The following MCF2 variants were observed in gnomAD, a reference collection of about 807,000 sequenced individuals.
The protein encoded by MCF2 is MCF.2 cell line derived transforming sequence, also known as proto-oncogene DBL.
Under a neutral mutation model 82.5 loss-of-function variants are expected in MCF2, and 44 were observed. The observed-to-expected ratio is 0.53, with a 90% CI of 0.42 to 0.69. The LOEUF (loss-of-function observed/expected upper bound fraction) is 0.69, where lower values mean the gene tolerates loss of function less well. Among genes scored for constraint, MCF2 ranks in the 30% least tolerant of loss-of-function variants. The pLI is 0.00. For missense variants in MCF2, 623 were observed against 663.1 expected (o/e 0.94, Z 0.66); for synonymous variants, 217 against 224.9 (o/e 0.96, Z 0.32).
At chrX:139,652,076 A>G (rs2148528163) in intron 1 of MCF2, among the ~76,000 whole-genome samples, 1 of 112,153 alleles carries the variant, frequency 8.9e-6, no homozygotes, top group South Asian at 3.8e-4. Context: ...AAACTCCAGG[A>G]CATTCGGATT....
intron 6 of MCF2, among the ~76,000 whole-genome samples, chrX:139,622,645 A>G (rs1193987148): frequency 9.6e-6 from 1 of 103,935 alleles, no homozygotes; most frequent in African/African-American, 3.5e-5. Flanking sequence ...AAAACCAAAC[A>G]CCGCATGTTC....
At chrX:139,668,825 C>A (rs1934600324) in intron 1 of MCF2, among the ~76,000 whole-genome samples, 1 of 110,686 alleles carries the variant, frequency 9.0e-6, no homozygotes, top group African/African-American at 3.3e-5. Context: ...AAAGTATTCT[C>A]AAGAAACAGT....
chrX:139,585,653 C>G (rs897153375), intron 23 of MCF2, among the ~76,000 whole-genome samples: 2 of 111,693 alleles, frequency 1.8e-5, no homozygotes, highest in African/African-American at 6.5e-5. Flanking sequence ...TTTAGGTGAT[C>G]CTCATGTATG....
intron 1 of MCF2, among the ~76,000 whole-genome samples, chrX:139,689,934 A>C (rs188093389): frequency 8.9e-6 from 1 of 112,349 alleles, no homozygotes; most frequent in East Asian, 2.8e-4. Flanking sequence ...GATTGTTCAG[A>C]AAGTTATTTA....
At chrX:139,692,546 AAGAG>A (rs1350289860) in intron 1 of MCF2, among the ~76,000 whole-genome samples, 1 of 111,886 alleles carries the variant, frequency 8.9e-6, no homozygotes, top group Non-Finnish European at 1.9e-5. Context: ...AAGGAGCTAA[AAGAG>A]AGAATTTCTG....
chrX:139,610,186 A>T, intron 11 of MCF2, 115 bp downstream of exon 15: 1 of 486,913 alleles, frequency 2.1e-6, no homozygotes, highest in Admixed American at 4.8e-5. Flanking sequence ...TTTCTTTTAA[A>T]TAGTCTTTCA....
intron 11 of MCF2, among the ~76,000 whole-genome samples, chrX:139,609,726 T>C (rs1931355082): frequency 9.0e-6 from 1 of 110,843 alleles, no homozygotes; most frequent in African/African-American, 3.3e-5. Flanking sequence ...CTCAGGAGGC[T>C]GAAGTGGAAG....
chrX:139,683,742 T>C (rs1935057686), intron 1 of MCF2, among the ~76,000 whole-genome samples: 1 of 111,739 alleles, frequency 8.9e-6, no homozygotes, highest in Non-Finnish European at 1.9e-5. Context: ...GATATTCTTT[T>C]TAATAAATGA....
intron 23 of MCF2, 113 bp downstream of exon 27, chrX:139,586,265 T>C (rs948936173): frequency 1.3e-5 from 7 of 518,879 alleles, no homozygotes; most frequent in Non-Finnish European, 2.0e-5. Context: ...AAAAATGGGT[T>C]AACTGTATTT....
intron 1 of MCF2, among the ~76,000 whole-genome samples, chrX:139,700,730 C>G: frequency 8.9e-6 from 1 of 112,260 alleles, no homozygotes; most frequent in Non-Finnish European, 1.9e-5. Context: ...AAGGCTGTTT[C>G]ATGCAATAAT....
chrX:139,610,653 T>C (rs949168955), intron 10 of MCF2, among the ~76,000 whole-genome samples: 13 of 112,087 alleles, frequency 1.2e-4, no homozygotes, highest in Admixed American at 9.5e-4. Flanking sequence ...CACAAAAACA[T>C]TTAATCAAAT....
At chrX:139,691,276 A>C (rs1449415039) in intron 1 of MCF2, among the ~76,000 whole-genome samples, 1 of 110,011 alleles carries the variant, frequency 9.1e-6, no homozygotes, top group Non-Finnish European at 1.9e-5. Context: ...CTCCTCCCCC[A>C]CCTGCCCTGC....
At chrX:139,694,416 AAAAC>A (rs1935340419) in intron 1 of MCF2, among the ~76,000 whole-genome samples, 2 of 110,079 alleles carry the variant, frequency 1.8e-5, no homozygotes, top group East Asian at 2.8e-4. Flanking sequence ...AAAAAAAAAA[AAAAC>A]AAAGAGGACT....
rs1932785409 is a variant in MCF2, at chrX:139,627,307, A to C, written c.439-551T>G. Among the ~76,000 whole-genome samples, 5 of 112,306 alleles carry C rather than the reference A, an allele frequency of 4.5e-5. No homozygotes were observed. In the South Asian group the frequency reaches 1.9e-3, roughly 42 times the overall value. ...TAAAAACCACCACAGTAGAAAGCAT[A>C]CAATTGCAAATAATACTTAATGCAT... is the stretch of plus-strand genomic sequence containing the variant. On this transcript the variant is annotated intron_variant, in intron 4 of 24. Transcript: ENST00000370576.
intron 1 of MCF2, among the ~76,000 whole-genome samples, chrX:139,684,575 A>G (rs1935077172): frequency 8.9e-6 from 1 of 112,617 alleles, no homozygotes; most frequent in African/African-American, 3.2e-5. Flanking sequence ...TGGAAACCAC[A>G]CAAATGCCTA....
intron 9 of MCF2, 106 bp downstream of exon 12, chrX:139,616,176 G>T: frequency 2.6e-6 from 1 of 391,821 alleles, no homozygotes; most frequent in Non-Finnish European, 4.2e-6. Context: ...CAATGTAAGT[G>T]CAATTTGACA....
At chrX:139,648,923 G>A (rs1277957866) in intron 2 of MCF2, among the ~76,000 whole-genome samples, 1 of 111,963 alleles carries the variant, frequency 8.9e-6, no homozygotes, top group Admixed American at 9.5e-5. Flanking sequence ...AGAGTGGCAA[G>A]AGGAAATAGA....
At chrX:139,699,540 A>C (rs1405708622) in intron 1 of MCF2, among the ~76,000 whole-genome samples, 3 of 111,941 alleles carry the variant, frequency 2.7e-5, no homozygotes, top group Non-Finnish European at 5.6e-5. Context: ...GGAAACCACT[A>C]ATCTATTTTC....
intron 1 of MCF2, among the ~76,000 whole-genome samples, chrX:139,675,637 C>T (rs1934843221): frequency 8.9e-6 from 1 of 112,388 alleles, no homozygotes; most frequent in African/African-American, 3.2e-5. Context: ...GCGGAGGCTG[C>T]AGAACAGCAT....
Sources: allele counts gnomAD v4.1 joint callset (sites outside exome capture counted in the v4.1 genomes callset), GRCh38; gene constraint gnomAD v4.1.1; transcripts MANE v1.5; gene names NCBI Gene and HGNC (gene_info 2026-07-23, HGNC 2026-07-21).